The following IL1R1 variants were observed in gnomAD, a reference collection of about 807,000 sequenced individuals.
The protein encoded by IL1R1 is interleukin-1 receptor type 1.
In IL1R1, 22 loss-of-function variants were observed where a neutral mutation model predicts 50.2. The observed-to-expected ratio is 0.44, with a 90% CI of 0.31 to 0.63. The LOEUF is 0.63. IL1R1 is among the 20% of genes least tolerant of loss of function. The pLI is 0.07. For missense variants in IL1R1, 509 were observed against 676.2 expected (o/e 0.75, Z 2.74); for synonymous variants, 251 against 236.7 (o/e 1.06, Z -0.55).
rs541612412 is a variant in IL1R1 at position 102,176,975 on chromosome 2, A to G, written c.*216A>G. On this transcript the variant is annotated 3_prime_UTR_variant, in exon 12 of 12. Coordinates refer to ENST00000410023, the MANE Select transcript of IL1R1 (RefSeq NM_000877.4). ...AGAGGGCTTGGGAAGATCTTTTAAA[A>G]AGGCAGTAGGCCCGGTGTGGTGGCT... 5.6e-6 allele frequency: 3 copies of G among 534,568 alleles called. No individual in the cohort carries two copies. Among genetic ancestry groups the G allele is most frequent in the East Asian group, 3.1e-5 (1 of 32,732 alleles). 33.1% of individuals were successfully genotyped at this position (534,568 alleles called of 1,614,324 possible). A position where few individuals can be genotyped will look rare whatever the true frequency, so the allele number is the denominator to read the frequency against.
chr2:102,132,837 T>C (rs1682112705), intron 1 of IL1R1, among the ~76,000 whole-genome samples: 1 of 152,140 alleles, frequency 6.6e-6, no homozygotes, highest in Non-Finnish European at 1.5e-5. Context: ...ATAAAACATA[T>C]ACTTTTAGAT....
rs557357562 is a variant in IL1R1 at position 102,157,925 on chromosome 2, C to G, written c.61+140C>G. 19 of 634,308 alleles carry G rather than the reference C, an allele frequency of 3.0e-5. 1 individual carries two copies. The South Asian group carries it at 3.6e-4, about 12-fold the overall frequency. The allele number at this position is 634,308 out of a possible 1,614,324, so 39.3% of individuals were successfully genotyped here. A position where few individuals can be genotyped will look rare whatever the true frequency, so the allele number is the denominator to read the frequency against. On this transcript the variant is annotated intron_variant, in intron 3 of 11. Coordinates refer to ENST00000410023, the MANE Select transcript of IL1R1 (RefSeq NM_000877.4). ...GGCACAGAGCCTCCTGGTCATAGAC[C>G]TGTACTGCTGGAAGTTCCTCTCAGC...
chr2:102,116,809 C>T (rs1026171265), intron 1 of IL1R1, among the ~76,000 whole-genome samples: 1 of 152,180 alleles, frequency 6.6e-6, no homozygotes, highest in Non-Finnish European at 1.5e-5. Flanking sequence ...ATCACGTTAG[C>T]ACTTTCTACT....
At chr2:102,148,922 G>A (rs747999035) in intron 1 of IL1R1, among the ~76,000 whole-genome samples, 45 of 152,056 alleles carry the variant, frequency 3.0e-4, no homozygotes, top group Non-Finnish European at 6.2e-4. Context: ...TGCAGTCTGG[G>A]TAACAGAGCA....
At chr2:102,127,610 G>A (rs1026064092) in intron 1 of IL1R1, among the ~76,000 whole-genome samples, 2 of 151,788 alleles carry the variant, frequency 1.3e-5, no homozygotes, top group Non-Finnish European at 2.9e-5. Flanking sequence ...CACATGCTAG[G>A]AAACCCCAGT....
chr2:102,086,689 C>T (rs1220684206), intron 1 of IL1R1, among the ~76,000 whole-genome samples: 9 of 152,068 alleles, frequency 5.9e-5, no homozygotes, highest in East Asian at 1.9e-4. Context: ...GGAATCACCT[C>T]GTAAATTAAA....
At position 102,179,652 on chromosome 2, in the gene IL1R1, T is replaced by C. The variant is rs1488291456; in HGVS notation, c.*2893T>C. The C allele has an allele frequency of 6.5e-6, 1 of 152,800 alleles. No homozygotes were observed. The highest frequency in any genetic ancestry group is 1.5e-5 in the Non-Finnish European group (1 of 68,038). 9.5% of individuals were successfully genotyped at this position (152,800 alleles called of 1,614,324 possible). ...AATTTATATTTTCCCTCTCTTGCCTTTCTTATTTGCAATAAAAGGTATTGA... is the reference window on the plus strand; with the variant it reads ...AATTTATATTTTCCCTCTCTTGCCTCTCTTATTTGCAATAAAAGGTATTGA... On this transcript the variant is annotated 3_prime_UTR_variant, in exon 12 of 12. Transcript: ENST00000410023.
Position 102,172,774 on chromosome 2 carries a change from A to G in IL1R1, c.927A>G (p.Pro309=), listed in dbSNP as rs891110734. The change falls in exon 9 of 12, where the codon CCA becomes CCG. Residue 309 remains proline, a synonymous_variant. Transcript: ENST00000410023. ...SEIESRFYKH[P]FTCFAKNTHG... is the part of the protein sequence containing the mutation. ...TTGAAAGTAGATTTTATAAACATCC[A>G]TTTACCTGTTTTGCCAAGAATACAC... The G allele has an allele frequency of 6.2e-7, 1 of 1,611,838 alleles. No individual in the cohort carries two copies. Among genetic ancestry groups the G allele is most frequent in the Non-Finnish European group, 8.5e-7 (1 of 1,178,092 alleles).
At chr2:102,112,215 A>T (rs906324270) in intron 1 of IL1R1, among the ~76,000 whole-genome samples, 1 of 151,718 alleles carries the variant, frequency 6.6e-6, no homozygotes, top group Non-Finnish European at 1.5e-5. Flanking sequence ...AACACAGGAG[A>T]CCGAGACAAA....
chr2:102,142,048 C>T (rs963200700), upstream of IL1R1: 5 of 152,182 alleles, frequency 3.3e-5, no homozygotes, highest in African/African-American at 1.2e-4. Context: ...TTTAAAAACC[C>T]TGTCTGCCCC....
At chr2:102,124,431 T>C (rs1221523757) in intron 1 of IL1R1, among the ~76,000 whole-genome samples, 10 of 130,648 alleles carry the variant, frequency 7.7e-5, no homozygotes, top group East Asian at 2.7e-4. Flanking sequence ...CCCCCACCAC[T>C]GCCCCCCCAA....
chr2:102,136,553 T>C (rs1317987124), intron 1 of IL1R1, among the ~76,000 whole-genome samples: 1 of 151,980 alleles, frequency 6.6e-6, no homozygotes, highest in East Asian at 1.9e-4. Context: ...ATTTTTTGTA[T>C]CTTTAGTAGA....
chr2:102,156,675 C>A (rs1365939640), intron 2 of IL1R1, among the ~76,000 whole-genome samples: 1 of 152,102 alleles, frequency 6.6e-6, no homozygotes, highest in African/African-American at 2.4e-5. Flanking sequence ...CCACACCCAG[C>A]TAATTTTTGT....
chr2:102,136,394 T>TTTTAG (rs1682346022), intron 1 of IL1R1, among the ~76,000 whole-genome samples: 1 of 149,914 alleles, frequency 6.7e-6, no homozygotes, highest in Non-Finnish European at 1.5e-5. Context: ...TTTTTTTTTT[T>TTTTAG]GAGACGGAGT....
rs116812159 is a variant in IL1R1 at position 102,085,307 on chromosome 2, T to G, written c.-84+14774T>G. On this transcript the variant is annotated intron_variant, in intron 1 of 11. Coordinates refer to the IL1R1 transcript ENST00000409929. The stretch of plus-strand genomic sequence containing the variant: ...TTTGCCTACTCCAAAGTCATAAAAA[T>G]TTTCTCCTGTGCATTTCTTTAAAGG... Among the ~76,000 whole-genome samples, 657 of 152,300 alleles carry G rather than the reference T, an allele frequency of 4.3e-3. 3 individuals carry two copies. Among genetic ancestry groups the G allele is most frequent in the Middle Eastern group, 0.01 (3 of 294 alleles).
Position 102,174,743 on chromosome 2 carries a change from A to G in IL1R1, c.1135+13A>G, listed in dbSNP as rs761541251. On this transcript the variant is annotated intron_variant, in intron 10 of 11. Transcript: ENST00000410023. ...CTCCCAATAAAAGGTATAATTTTGT[A>G]TTCCATGCAGTATTTCTTGTTGGAG... 2.5e-6 allele frequency: 4 copies of G among 1,600,306 alleles called. No individual in the cohort carries two copies. The South Asian group carries it at 4.5e-5, about 18-fold the overall frequency.
chr2:102,079,691 A>G (rs1196441353), intron 1 of IL1R1, among the ~76,000 whole-genome samples: 2 of 152,274 alleles, frequency 1.3e-5, no homozygotes, highest in East Asian at 3.9e-4. Context: ...CAGATTTATC[A>G]CAATCCTTAT....
Position 102,175,533 on chromosome 2 carries a change from A to G in IL1R1, c.1191A>G (p.Glu397=), listed in dbSNP as rs1187870691. The G allele has an allele frequency of 6.2e-7, 1 of 1,613,470 alleles. No homozygotes were observed. The highest frequency in any genetic ancestry group is 1.1e-5 in the South Asian group (1 of 91,066). Residue 397 remains glutamate (E), a synonymous_variant, in exon 11 of 12, where the codon GAA becomes GAG. Transcript: ENST00000410023. Reference sequence around the variant, plus strand: ...TACTGTATCCAAAGACTGTTGGGGAAGGGTCTACCTCTGACTGTGATATTT... The same window carrying G: ...TACTGTATCCAAAGACTGTTGGGGAGGGGTCTACCTCTGACTGTGATATTT... ...AYILYPKTVG[E]GSTSDCDIFV...
chr2:102,123,775 C>G (rs1176342748), intron 1 of IL1R1, among the ~76,000 whole-genome samples: 1 of 117,430 alleles, frequency 8.5e-6, no homozygotes, highest in Non-Finnish European at 1.7e-5. Context: ...GAGACTGTGT[C>G]TTAATAAAAT....
Sources: gnomAD v4.1 joint callset for allele counts (sites outside exome capture counted in the v4.1 genomes callset) on GRCh38, gnomAD v4.1.1 for gene constraint, MANE v1.5 for transcripts, NCBI Gene and HGNC (gene_info 2026-07-23, HGNC 2026-07-21) for gene names.